The following ARSB variants were observed in gnomAD, a reference collection of about 807,000 sequenced individuals.
The protein encoded by ARSB is arylsulfatase B, also known as N-acetylgalactosamine-4-sulfatase.
In ARSB, 41 loss-of-function variants were observed where a neutral mutation model predicts 50.9. The observed-to-expected ratio is 0.81, with a 90% CI of 0.63 to 1.04. The LOEUF is 1.04. Ranked by LOEUF, ARSB falls within the 50% of genes least tolerant of loss-of-function variation. The pLI, the probability that ARSB is intolerant of heterozygous loss-of-function variation, is 0.00. For synonymous variants in ARSB, 269 were observed against 284.8 expected (o/e 0.94, Z 0.56); for missense variants, 672 against 693.3 (o/e 0.97, Z 0.35).
At chr5:78,905,701 G>A (rs1417119157) in intron 4 of ARSB, among the ~76,000 whole-genome samples, 1 of 151,948 alleles carries the variant, frequency 6.6e-6, no homozygotes, top group Non-Finnish European at 1.5e-5. Flanking sequence ...TTGGAGGTGA[G>A]CCTGGGGCTT....
At chr5:78,799,718 G>A (rs1439283175) in intron 6 of ARSB, among the ~76,000 whole-genome samples, 1 of 152,222 alleles carries the variant, frequency 6.6e-6, no homozygotes, top group Non-Finnish European at 1.5e-5. Flanking sequence ...TATCATAGTA[G>A]AGGCTCATTT....
intron 5 of ARSB, among the ~76,000 whole-genome samples, chr5:78,847,725 A>G (rs1481304142): frequency 1.3e-5 from 2 of 152,178 alleles, no homozygotes; most frequent in African/African-American, 4.8e-5. Flanking sequence ...TTTTATTACA[A>G]GATTCAATCT....
intron 6 of ARSB, among the ~76,000 whole-genome samples, chr5:78,796,879 C>CTTTTTTTTT (rs1342063568): frequency 7.9e-6 from 1 of 126,382 alleles, no homozygotes; most frequent in Non-Finnish European, 1.6e-5. Flanking sequence ...GTCTCGATCT[C>CTTTTTTTTT]TTTTTTTTTT....
At chr5:78,936,125 CTCTCT>C (rs1206905104) in intron 4 of ARSB, among the ~76,000 whole-genome samples, 4 of 90,012 alleles carry the variant, frequency 4.4e-5, no homozygotes, top group South Asian at 4.4e-4. Context: ...TCCTCTCTCT[CTCTCT>C]TTTTTTTTTT....
At chr5:78,876,715 A>G (rs1747498479) in intron 5 of ARSB, among the ~76,000 whole-genome samples, 1 of 152,196 alleles carries the variant, frequency 6.6e-6, no homozygotes, top group African/African-American at 2.4e-5. Context: ...GGAAATCTGC[A>G]GAGGATCCCC....
At chr5:78,961,550 C>A (rs1242583910) in intron 3 of ARSB, among the ~76,000 whole-genome samples, 1 of 152,160 alleles carries the variant, frequency 6.6e-6, no homozygotes, top group African/African-American at 2.4e-5. Flanking sequence ...GTCCTCAGTT[C>A]CGTGTTTTCC....
chr5:78,848,043 GA>G (rs753072384), intron 5 of ARSB, among the ~76,000 whole-genome samples: 131 of 150,750 alleles, frequency 8.7e-4, no homozygotes, highest in Non-Finnish European at 1.4e-3. Context: ...TTTTTAGCGT[GA>G]ATTTTTTTAT....
intron 3 of ARSB, among the ~76,000 whole-genome samples, chr5:78,956,661 T>C (rs1033648039): frequency 6.6e-6 from 1 of 152,146 alleles, no homozygotes; most frequent in Non-Finnish European, 1.5e-5. Flanking sequence ...ACATATTAAA[T>C]GTTGTCTACA....
chr5:78,819,807 A>T (rs1419566581), intron 6 of ARSB, among the ~76,000 whole-genome samples: 2 of 152,278 alleles, frequency 1.3e-5, no homozygotes, highest in African/African-American at 4.8e-5. Context: ...TGGGAGGCCA[A>T]GTGCTTTAGG....
intron 4 of ARSB, among the ~76,000 whole-genome samples, chr5:78,916,219 C>T (rs1749538077): frequency 6.6e-6 from 1 of 152,178 alleles, no homozygotes; most frequent in African/African-American, 2.4e-5. Flanking sequence ...CGGTCTATGA[C>T]AGCTTCCCAT....
rs193182781 is a variant in ARSB at position 78,829,541 on chromosome 5, C to A, written c.1213+9815G>T. On this transcript the variant is annotated intron_variant, in intron 6 of 7. Coordinates refer to ENST00000264914, the MANE Select transcript of ARSB (RefSeq NM_000046.5). ...ATGTTTTCCTCTGATTCAAAAGAAT[C>A]TTTAGAAGCAGGGGCCATATACTCA... Among the ~76,000 whole-genome samples the A allele has an allele frequency of 2.0e-3, 299 of 152,234 alleles. 4 individuals carry two copies. The highest frequency in any genetic ancestry group is 6.9e-3 in the African/African-American group (285 of 41,554).
At chr5:78,968,910 A>T in intron 2 of ARSB, 96 bp downstream of exon 2, 2 of 1,398,942 alleles carry the variant, frequency 1.4e-6, no homozygotes, top group Non-Finnish European at 2.0e-6. Context: ...TCTGTGTTCA[A>T]ATATCCAGTT....
chr5:78,889,288 A>AT (rs1309075235), intron 4 of ARSB, among the ~76,000 whole-genome samples: 2 of 152,212 alleles, frequency 1.3e-5, no homozygotes, highest in African/African-American at 4.8e-5. Flanking sequence ...ATAAATTAGA[A>AT]TTTAAAAAGA....
At chr5:78,848,706 T>C (rs1294509173) in intron 5 of ARSB, among the ~76,000 whole-genome samples, 1 of 152,210 alleles carries the variant, frequency 6.6e-6, no homozygotes, top group African/African-American at 2.4e-5. Context: ...AGTATTTCTA[T>C]TTCTCCACAT....
chr5:78,921,106 T>G (rs1317940455), intron 4 of ARSB, among the ~76,000 whole-genome samples: 1 of 152,172 alleles, frequency 6.6e-6, no homozygotes, highest in African/African-American at 2.4e-5. Flanking sequence ...ACCTGTCCTT[T>G]TCTCCTTCCA....
intron 6 of ARSB, among the ~76,000 whole-genome samples, chr5:78,809,252 C>T (rs1054422219): frequency 3.9e-5 from 6 of 152,148 alleles, no homozygotes; most frequent in South Asian, 2.1e-4. Context: ...GTGGTCAGAG[C>T]GGCTGGGAAG....
chr5:78,948,300 T>A (rs1429214151), intron 4 of ARSB, among the ~76,000 whole-genome samples: 1 of 152,200 alleles, frequency 6.6e-6, no homozygotes, highest in Non-Finnish European at 1.5e-5. Context: ...TTAATTGGAA[T>A]GTTGGTAACA....
intron 6 of ARSB, among the ~76,000 whole-genome samples, chr5:78,786,805 G>C (rs1749091517): frequency 1.3e-5 from 2 of 152,026 alleles, no homozygotes; most frequent in South Asian, 4.2e-4. Flanking sequence ...AGAGATGGGG[G>C]TCTTGCAATG....
At chr5:78,940,419 T>C in intron 4 of ARSB, among the ~76,000 whole-genome samples, 1 of 152,328 alleles carries the variant, frequency 6.6e-6, no homozygotes, top group East Asian at 1.9e-4. Flanking sequence ...TGGTTTTAGG[T>C]CTAACATTTA....
Sources: gnomAD v4.1 joint callset for allele counts (sites outside exome capture counted in the v4.1 genomes callset) on GRCh38, gnomAD v4.1.1 for gene constraint, MANE v1.5 for transcripts, NCBI Gene and HGNC (gene_info 2026-07-23, HGNC 2026-07-21) for gene names.